CSMD1: variants seen among roughly 807,000 people sequenced by gnomAD.
CSMD1 encodes CUB and Sushi multiple domains 1.
CSMD1 carries 213 observed loss-of-function variants against 417.5 expected under a neutral mutation model. That is an observed-to-expected ratio of 0.51 (90% CI 0.46 to 0.57). CSMD1 has a LOEUF of 0.57. Ranked by LOEUF, CSMD1 falls within the 20% of genes least tolerant of loss-of-function variation. The pLI is 0.00. For synonymous variants in CSMD1, 2,862 were observed against 1,736.8 expected, an observed-to-expected ratio of 1.65 and a Z score of -16.11; for missense variants, 6,923 against 4,529.7, an observed-to-expected ratio of 1.53 and a Z score of -15.17.
chr8:4,812,900 T>C (rs1006046647), intron 1 of CSMD1, among the ~76,000 whole-genome samples: 3 of 152,212 alleles, frequency 2.0e-5, no homozygotes, highest in African/African-American at 7.2e-5. Context: ...CAGGTAATAT[T>C]GCTTGTATCA....
chr8:4,514,687 C>A (rs773387779), intron 2 of CSMD1, among the ~76,000 whole-genome samples: 12 of 152,132 alleles, frequency 7.9e-5, no homozygotes, highest in Non-Finnish European at 1.6e-4. Flanking sequence ...AATAGAGTAC[C>A]TGGTACCTAA....
At chr8:2,989,644 C>A (rs1806208226) in intron 54 of CSMD1, among the ~76,000 whole-genome samples, 2 of 152,064 alleles carry the variant, frequency 1.3e-5, no homozygotes, top group Admixed American at 1.3e-4. Flanking sequence ...TCTAGTGGAC[C>A]AGAGACAGTA....
At chr8:4,165,180 C>G (rs768571543) in intron 3 of CSMD1, among the ~76,000 whole-genome samples, 19 of 152,064 alleles carry the variant, frequency 1.2e-4, no homozygotes, top group African/African-American at 4.3e-4. Flanking sequence ...CTACGCCTAG[C>G]CAGTAACTAT....
At chr8:4,151,461 C>A (rs981019421) in intron 3 of CSMD1, among the ~76,000 whole-genome samples, 1 of 152,124 alleles carries the variant, frequency 6.6e-6, no homozygotes. Flanking sequence ...TATTGAATCA[C>A]CCATATCTAG....
At chr8:4,403,927 C>A (rs920739113) in intron 3 of CSMD1, among the ~76,000 whole-genome samples, 1 of 152,174 alleles carries the variant, frequency 6.6e-6, no homozygotes, top group Non-Finnish European at 1.5e-5. Context: ...CTCCAATCTT[C>A]GCCTTTTGAA....
At chr8:3,284,418 G>C in intron 25 of CSMD1, 72 bp from the exon 26 acceptor site, 1 of 1,187,910 alleles carries the variant, frequency 8.4e-7, no homozygotes, top group Non-Finnish European at 1.2e-6. Context: ...TGTAAAGTAA[G>C]CAAGCTCATT....
At chr8:4,815,716 A>G (rs1422987424) in intron 1 of CSMD1, among the ~76,000 whole-genome samples, 4 of 150,198 alleles carry the variant, frequency 2.7e-5, no homozygotes, top group South Asian at 4.2e-4. Context: ...AAAAAAAAAA[A>G]AAGAAGAGAA....
chr8:3,818,284 A>G (rs1385420203), intron 5 of CSMD1, among the ~76,000 whole-genome samples: 1 of 152,152 alleles, frequency 6.6e-6, no homozygotes, highest in Non-Finnish European at 1.5e-5. Flanking sequence ...ATTCAGAGCC[A>G]CAGGGTGTAG....
At chr8:3,518,223 T>C (rs1797361660) in intron 10 of CSMD1, among the ~76,000 whole-genome samples, 1 of 152,212 alleles carries the variant, frequency 6.6e-6, no homozygotes, top group African/African-American at 2.4e-5. Context: ...TTAATCTTTT[T>C]GTAGTTTTAA....
At chr8:4,850,705 G>A (rs1379468162) in intron 1 of CSMD1, among the ~76,000 whole-genome samples, 1 of 152,008 alleles carries the variant, frequency 6.6e-6, no homozygotes, top group African/African-American at 2.4e-5. Context: ...TGGATGAAGT[G>A]CAGAGTGTCG....
At chr8:4,048,611 C>A (rs1454148743) in intron 3 of CSMD1, among the ~76,000 whole-genome samples, 1 of 152,178 alleles carries the variant, frequency 6.6e-6, no homozygotes, top group Non-Finnish European at 1.5e-5. Context: ...CAGCACACAC[C>A]AAACAGGTAA....
At chr8:4,858,700 A>G (rs1295266870) in intron 1 of CSMD1, among the ~76,000 whole-genome samples, 1 of 149,910 alleles carries the variant, frequency 6.7e-6, no homozygotes, top group Admixed American at 6.7e-5. Context: ...TAGGAATCCA[A>G]CTTACAAGGG....
In CSMD1 at chr8:3,151,523, G is replaced by A; in HGVS notation, c.5915-10C>T. 1 of 1,575,082 alleles carries A rather than the reference G, an allele frequency of 6.3e-7. No homozygotes were observed. The highest frequency in any genetic ancestry group is 1.1e-5 in the South Asian group (1 of 88,750). ...GTCCCTCCACAGGTTGCTGTTAAGTGGACAAGATGTCAGTCCTGCAGGTCC... is the reference window on the plus strand; with the variant it reads ...GTCCCTCCACAGGTTGCTGTTAAGTAGACAAGATGTCAGTCCTGCAGGTCC... On this transcript the variant is annotated splice_polypyrimidine_tract_variant and intron_variant, in intron 39 of 69. Coordinates refer to ENST00000635120, the MANE Select transcript of CSMD1 (RefSeq NM_033225.6).
chr8:4,341,801 G>A (rs1209979453), intron 3 of CSMD1, among the ~76,000 whole-genome samples: 2 of 152,054 alleles, frequency 1.3e-5, no homozygotes, highest in African/African-American at 4.8e-5. Context: ...CCATTAATTT[G>A]TTCACATGAC....
At chr8:4,752,361 TG>T (rs1187408352) in intron 1 of CSMD1, among the ~76,000 whole-genome samples, 1 of 152,196 alleles carries the variant, frequency 6.6e-6, no homozygotes, top group East Asian at 1.9e-4. Context: ...TTTATTCTCT[TG>T]AACAATAGAT....
rs146783380 is a variant in CSMD1, at chr8:3,818,246, C to T, written c.819-64204G>A. Among the ~76,000 whole-genome samples, 5 of 152,178 alleles carry T rather than the reference C, an allele frequency of 3.3e-5. No homozygotes were observed. In the East Asian group the frequency reaches 7.8e-4, roughly 24 times the overall value. On this transcript the variant is annotated intron_variant, in intron 5 of 69. Transcript: ENST00000635120. ...CACCCCAAGATGCAGCCCCTGGGTC[C>T]GTGCAGCACAGGTGCTTCACCCTCT... is the stretch of plus-strand genomic sequence containing the variant.
At chr8:3,768,040 C>T (rs943017520) in intron 5 of CSMD1, among the ~76,000 whole-genome samples, 2 of 152,098 alleles carry the variant, frequency 1.3e-5, no homozygotes, top group Non-Finnish European at 2.9e-5. Context: ...AAAACAGAAT[C>T]AATCTTTGAC....
chr8:4,875,580 C>T (rs1269482191), intron 1 of CSMD1, among the ~76,000 whole-genome samples: 1 of 151,974 alleles, frequency 6.6e-6, no homozygotes. Flanking sequence ...CACCATGATT[C>T]GAAGCTGGTT....
chr8:3,665,607 A>T (rs1323424102), intron 7 of CSMD1, among the ~76,000 whole-genome samples: 1 of 152,170 alleles, frequency 6.6e-6, no homozygotes, highest in African/African-American at 2.4e-5. Context: ...CAAGTAATTG[A>T]CTCAGTAGGG....
Sources: gnomAD v4.1 joint callset for allele counts (sites outside exome capture counted in the v4.1 genomes callset) on GRCh38, gnomAD v4.1.1 for gene constraint, MANE v1.5 for transcripts, NCBI Gene and HGNC (gene_info 2026-07-23, HGNC 2026-07-21) for gene names.